HCN1: variants seen among roughly 807,000 people sequenced by gnomAD.
The protein encoded by HCN1 is hyperpolarization activated cyclic nucleotide gated potassium channel 1, also known as potassium/sodium hyperpolarization-activated cyclic nucleotide-gated channel 1.
In HCN1, 13 loss-of-function variants were observed where a neutral mutation model predicts 78.9. That is an observed-to-expected ratio of 0.16 (90% CI 0.11 to 0.26). The LOEUF is 0.26. Ranked by LOEUF, HCN1 falls within the 10% of genes least tolerant of loss-of-function variation. HCN1 has a pLI of 1.00. For synonymous variants in HCN1, 552 were observed against 455.5 expected (o/e 1.21, Z -2.70); for missense variants, 810 against 1,154.3 (o/e 0.70, Z 4.32).
At chr5:45,415,559 T>C (rs917862163) in intron 3 of HCN1, among the ~76,000 whole-genome samples, 6 of 152,120 alleles carry the variant, frequency 3.9e-5, no homozygotes, top group African/African-American at 1.4e-4. Flanking sequence ...ATAGGTAGTT[T>C]TCTCTGACTC....
chr5:45,444,265 A>G (rs1262635684), intron 3 of HCN1, among the ~76,000 whole-genome samples: 2 of 152,182 alleles, frequency 1.3e-5, no homozygotes, highest in Non-Finnish European at 2.9e-5. Flanking sequence ...GTCTTTATTT[A>G]AATGAATTTA....
intron 6 of HCN1, among the ~76,000 whole-genome samples, chr5:45,293,183 A>T (rs1745415198): frequency 6.6e-6 from 1 of 152,046 alleles, no homozygotes; most frequent in South Asian, 2.1e-4. Flanking sequence ...ACTGTCTTCC[A>T]CAGTGATTGA....
intron 2 of HCN1, among the ~76,000 whole-genome samples, chr5:45,498,038 T>C (rs1579932239): frequency 1.3e-5 from 2 of 152,168 alleles, no homozygotes; most frequent in East Asian, 3.9e-4. Context: ...TCATTTCAAC[T>C]TTGGTGAATC....
At chr5:45,626,180 C>T (rs753625685) in intron 2 of HCN1, among the ~76,000 whole-genome samples, 1 of 152,172 alleles carries the variant, frequency 6.6e-6, no homozygotes, top group African/African-American at 2.4e-5. Flanking sequence ...GTCAATCACA[C>T]CACTTTGCTG....
intron 2 of HCN1, among the ~76,000 whole-genome samples, chr5:45,554,936 T>G (rs766236991): frequency 3.3e-5 from 5 of 151,790 alleles, no homozygotes; most frequent in African/African-American, 7.2e-5. Flanking sequence ...AAAATGTAAA[T>G]AAGAGATTTC....
In HCN1 at chr5:45,353,405, A is replaced by T. The variant is rs552427767; in HGVS notation, c.1231-159T>A. 1.3e-3 allele frequency among the ~76,000 whole-genome samples: 204 copies of T among 152,106 alleles called. 2 individuals carry two copies. The highest frequency in any genetic ancestry group is 4.8e-3 in the African/African-American group (198 of 41,536). ...GAACTAATTTACCTGGGTCTAATGT[A>T]CCTATTTTGTGTTACATAATGTATA... On this transcript the variant is annotated intron_variant, in intron 4 of 7. Transcript: ENST00000303230.
intron 2 of HCN1, among the ~76,000 whole-genome samples, chr5:45,586,165 G>C (rs1422493399): frequency 1.3e-5 from 2 of 152,146 alleles, no homozygotes; most frequent in Non-Finnish European, 2.9e-5. Context: ...GCCGCAGCTG[G>C]GCTCCACCCA....
At chr5:45,593,841 T>C (rs186118962) in intron 2 of HCN1, among the ~76,000 whole-genome samples, 1 of 151,912 alleles carries the variant, frequency 6.6e-6, no homozygotes, top group East Asian at 2.0e-4. Flanking sequence ...CATCTGGCTA[T>C]TGTTTTGTAT....
chr5:45,358,044 C>T (rs953784858), intron 4 of HCN1, among the ~76,000 whole-genome samples: 4 of 152,074 alleles, frequency 2.6e-5, no homozygotes, highest in African/African-American at 9.7e-5. Context: ...GCCTGAGGCC[C>T]TCACCAATAC....
chr5:45,556,424 A>G lies in HCN1; in HGVS notation c.849+88761T>C, dbSNP rs1271817306. Reference sequence around the variant, plus strand: ...GATAAGGCCATTGTTCTCTGCCTATAACTTGAAGTCCTTTTCTAATTCCTT... The same window carrying G: ...GATAAGGCCATTGTTCTCTGCCTATGACTTGAAGTCCTTTTCTAATTCCTT... On this transcript the variant is annotated intron_variant, in intron 2 of 7. Coordinates refer to ENST00000303230, the MANE Select transcript of HCN1 (RefSeq NM_021072.4). 1.1e-4 allele frequency among the ~76,000 whole-genome samples: 16 copies of G among 152,088 alleles called. No homozygotes were observed. In the East Asian group the frequency reaches 3.1e-3, roughly 29 times the overall value.
intron 5 of HCN1, among the ~76,000 whole-genome samples, chr5:45,339,285 A>G (rs747989027): frequency 1.7e-4 from 26 of 152,170 alleles, no homozygotes; most frequent in Non-Finnish European, 3.4e-4. Context: ...CAAATGATAA[A>G]TGCTGTGAGA....
At position 45,328,632 on chromosome 5, in the gene HCN1, G is replaced by A. The variant is rs77592403; in HGVS notation, c.1377+24468C>T. Reference sequence around the variant, plus strand: ...CTCCACTGGGCAAAAGAGGATTCACGTCCCAAAGGAGATTTCATCCCACTA... The same window carrying A: ...CTCCACTGGGCAAAAGAGGATTCACATCCCAAAGGAGATTTCATCCCACTA... On this transcript the variant is annotated intron_variant, in intron 5 of 7. Transcript: ENST00000303230. 3.3e-3 allele frequency among the ~76,000 whole-genome samples: 496 copies of A among 151,692 alleles called. 3 individuals carry two copies. The highest frequency in any genetic ancestry group is 1.0e-2 in the African/African-American group (414 of 41,458).
intron 5 of HCN1, among the ~76,000 whole-genome samples, chr5:45,318,312 G>A (rs1202823750): frequency 2.0e-5 from 3 of 151,848 alleles, no homozygotes; most frequent in East Asian, 1.9e-4. Context: ...ACTATCGCAA[G>A]GACAAAAAAA....
intron 1 of HCN1, among the ~76,000 whole-genome samples, chr5:45,657,073 T>A (rs747762140): frequency 6.6e-6 from 1 of 152,188 alleles, no homozygotes; most frequent in Non-Finnish European, 1.5e-5. Context: ...CAGGAGCATA[T>A]GTTTCCAGGT....
At chr5:45,279,614 T>C (rs916288513) in intron 6 of HCN1, among the ~76,000 whole-genome samples, 2 of 152,090 alleles carry the variant, frequency 1.3e-5, no homozygotes, top group Admixed American at 1.3e-4. Flanking sequence ...AGTAGAATAG[T>C]GTAACAAAAT....
chr5:45,429,997 GTAA>G (rs1740429918), intron 3 of HCN1, among the ~76,000 whole-genome samples: 2 of 152,048 alleles, frequency 1.3e-5, no homozygotes, highest in African/African-American at 4.8e-5. Context: ...TCCGTAAGCA[GTAA>G]TATAAATAAG....
chr5:45,255,127 C>T lies in HCN1; in HGVS notation c.*6794G>A, dbSNP rs1744581057. On this transcript the variant is annotated 3_prime_UTR_variant, in exon 8 of 8. Coordinates refer to ENST00000303230, the MANE Select transcript of HCN1 (RefSeq NM_021072.4). The stretch of plus-strand genomic sequence containing the variant: ...CCTAACACATATTAGTTTTCTCTTC[C>T]CTGGTTCTAACTAGCAAGTGCCAGG... 1 of 152,116 alleles carries T rather than the reference C, an allele frequency of 6.6e-6. No individual in the cohort carries two copies. Among genetic ancestry groups the T allele is most frequent in the African/African-American group, 2.4e-5 (1 of 41,402 alleles). The allele number at this position is 152,116 out of a possible 1,614,324, so 9.4% of individuals were successfully genotyped here.
chr5:45,493,779 T>A (rs1579928751), intron 2 of HCN1, among the ~76,000 whole-genome samples: 1 of 111,902 alleles, frequency 8.9e-6, no homozygotes, highest in Admixed American at 1.4e-4. Flanking sequence ...GTCCCCAGAG[T>A]GTGATGTTCC....
chr5:45,627,703 C>T (rs1267039092), intron 2 of HCN1, among the ~76,000 whole-genome samples: 2 of 152,240 alleles, frequency 1.3e-5, no homozygotes, highest in South Asian at 2.1e-4. Flanking sequence ...ATCCCCATTT[C>T]AGGGTAGAGT....
Sources: allele counts gnomAD v4.1 joint callset (sites outside exome capture counted in the v4.1 genomes callset), GRCh38; gene constraint gnomAD v4.1.1; transcripts MANE v1.5; gene names NCBI Gene and HGNC (gene_info 2026-07-23, HGNC 2026-07-21).